FERMT2: variants seen among roughly 807,000 people sequenced by gnomAD.
The protein encoded by FERMT2 is fermitin family homolog 2.
A neutral mutation model predicts 82.7 loss-of-function variants in FERMT2; 15 were observed. That is an observed-to-expected ratio of 0.18 (90% confidence interval 0.12 to 0.28). FERMT2 has a LOEUF of 0.28. FERMT2 is among the 10% of genes least tolerant of loss of function. The probability of loss-of-function intolerance (pLI) is 1.00; values close to 1 mark genes in which losing one functional copy is unlikely to be tolerated. For synonymous variants in FERMT2, 274 were observed against 271.5 expected, an observed-to-expected ratio of 1.01 and a Z score of -0.09; for missense variants, 645 against 809.4, an observed-to-expected ratio of 0.80 and a Z score of 2.46.
At chr14:52,861,374 T>C (rs948202992) in intron 12 of FERMT2, 4 of 264,284 alleles carry the variant, frequency 1.5e-5, no homozygotes, top group Non-Finnish European at 2.8e-5. Context: ...GTGTACCCAG[T>C]TACATCGTGT....
At chr14:52,901,955 G>A (rs770615612) in intron 3 of FERMT2, among the ~76,000 whole-genome samples, 59 of 152,140 alleles carry the variant, frequency 3.9e-4, no homozygotes, top group Non-Finnish European at 7.2e-4. Flanking sequence ...CCTTCTAACA[G>A]GAAAGACAGA....
At chr14:52,950,312 C>T (rs1011073494) in intron 2 of FERMT2, 100 bp downstream of exon 2, 14 of 1,245,156 alleles carry the variant, frequency 1.1e-5, no homozygotes, top group Non-Finnish European at 1.5e-5. Context: ...TGCGAGATGC[C>T]AAGATTTCTC....
chr14:52,865,093 C>T (rs111863061), intron 10 of FERMT2, among the ~76,000 whole-genome samples: 93 of 152,220 alleles, frequency 6.1e-4, no homozygotes, highest in African/African-American at 2.2e-3. Flanking sequence ...GAGGCCGAGG[C>T]GGGCGGATCA....
chr14:52,911,897 T>C (rs1397201609), intron 3 of FERMT2, among the ~76,000 whole-genome samples: 1 of 152,188 alleles, frequency 6.6e-6, no homozygotes, highest in Non-Finnish European at 1.5e-5. Flanking sequence ...CAAACCTCAA[T>C]TGTGTAACTG....
At chr14:52,897,411 TTTGA>T (rs1887349380) in intron 3 of FERMT2, among the ~76,000 whole-genome samples, 1 of 152,184 alleles carries the variant, frequency 6.6e-6, no homozygotes, top group Non-Finnish European at 1.5e-5. Flanking sequence ...GTTTTATGTC[TTTGA>T]TTAGTAGTAA....
chr14:52,925,941 G>C (rs1283324435), intron 2 of FERMT2, among the ~76,000 whole-genome samples: 1 of 152,148 alleles, frequency 6.6e-6, no homozygotes, highest in African/African-American at 2.4e-5. Context: ...ACCGCGCCCG[G>C]CACAGATGCG....
intron 3 of FERMT2, among the ~76,000 whole-genome samples, chr14:52,908,035 G>A (rs967150941): frequency 1.3e-5 from 2 of 152,172 alleles, no homozygotes; most frequent in Admixed American, 6.5e-5. Context: ...ACGGACAGGC[G>A]AAGGACTCAA....
chr14:52,875,315 A>G lies in FERMT2; in HGVS notation c.1006T>C (p.Leu336=), dbSNP rs1387966357. 7 of 1,610,876 alleles carry G rather than the reference A, an allele frequency of 4.3e-6. No homozygotes were observed. The Admixed American group carries it at 1.2e-4, about 27-fold the overall frequency. Reference sequence around the variant, plus strand: ...TCAACTTCTTTGTCACTGTTGTTCAAATGATTCTCTGATGTCATGATTGAC... The same window carrying G: ...TCAACTTCTTTGTCACTGTTGTTCAGATGATTCTCTGATGTCATGATTGAC... ...KLSIMTSENH[L]NNSDKEVDEV... The change falls in exon 8 of 15, where the codon TTG becomes CTG. Residue 336 remains leucine, a synonymous_variant. Coordinates refer to ENST00000341590, the MANE Select transcript of FERMT2 (RefSeq NM_006832.3).
Position 52,893,357 on chromosome 14 carries a change from C to T in FERMT2, c.462G>A (p.Lys154=), listed in dbSNP as rs776619821. 6 of 1,612,720 alleles carry T rather than the reference C, an allele frequency of 3.7e-6. No homozygotes were observed. The highest frequency in any genetic ancestry group is 4.5e-5 in the East Asian group (2 of 44,852). The change falls in exon 4 of 15, where the codon AAG becomes AAA. Residue 154 remains lysine, a synonymous_variant. Coordinates refer to ENST00000341590, the MANE Select transcript of FERMT2 (RefSeq NM_006832.3). ...PRDPTKKKKK[K]LDDQSEDEAL... ...CCTCATCTTCAGACTGGTCATCTAG[C>T]TTCTTCTTTTTTTTCTTTGTTGGAT...
chr14:52,890,608 C>CT (rs78933730), intron 4 of FERMT2, among the ~76,000 whole-genome samples: 108,183 of 140,456 alleles, frequency 0.77, 43,814 homozygotes, highest in Non-Finnish European at 0.89. Flanking sequence ...CTTTTATCCT[C>CT]TTTTTTTTTT....
intron 4 of FERMT2, among the ~76,000 whole-genome samples, chr14:52,883,980 T>G (rs563464600): frequency 5.3e-5 from 8 of 152,322 alleles, no homozygotes; most frequent in African/African-American, 1.9e-4. Context: ...TGCAGAACTG[T>G]GAGCCAATTA....
At chr14:52,878,443 C>G in intron 7 of FERMT2, 139 bp downstream of exon 7, 2 of 607,106 alleles carry the variant, frequency 3.3e-6, no homozygotes, top group South Asian at 2.2e-5. Flanking sequence ...TTTTGCTTTC[C>G]TAAGTGTCTA....
At chr14:52,858,892 A>T (rs372335062) in intron 14 of FERMT2, 22 of 192,354 alleles carry the variant, frequency 1.1e-4, no homozygotes, top group East Asian at 1.1e-3. Flanking sequence ...CTGTGTTTTA[A>T]CGTTCGCTTC....
At chr14:52,886,153 C>A (rs1180351152) in intron 4 of FERMT2, among the ~76,000 whole-genome samples, 1 of 152,002 alleles carries the variant, frequency 6.6e-6, no homozygotes, top group Non-Finnish European at 1.5e-5. Flanking sequence ...AACCGAGATA[C>A]TACTTATTGT....
intron 12 of FERMT2, among the ~76,000 whole-genome samples, chr14:52,864,003 T>A (rs1291796479): frequency 9.1e-6 from 1 of 110,310 alleles, no homozygotes; most frequent in Non-Finnish European, 2.3e-5. Flanking sequence ...ATGATAAAGA[T>A]TTTTTTTTTT....
intron 3 of FERMT2, among the ~76,000 whole-genome samples, chr14:52,896,408 GC>G (rs1207994702): frequency 3.9e-5 from 6 of 152,202 alleles, no homozygotes; most frequent in South Asian, 2.1e-4. Flanking sequence ...AATTCAGAAA[GC>G]TTTTTGTTTG....
chr14:52,934,153 T>C (rs1052243832), intron 2 of FERMT2, among the ~76,000 whole-genome samples: 70 of 152,312 alleles, frequency 4.6e-4, no homozygotes, highest in African/African-American at 1.6e-3. Context: ...CTACTACTTG[T>C]AATATACAAA....
chr14:52,868,200 CA>C (rs1403223537), intron 10 of FERMT2, among the ~76,000 whole-genome samples: 2 of 144,744 alleles, frequency 1.4e-5, no homozygotes, highest in Non-Finnish European at 3.0e-5. Flanking sequence ...TCCAGCAGCA[CA>C]AAACTCTCTA....
Position 52,864,811 on chromosome 14 carries a change from A to T in FERMT2, c.1316T>A (p.Phe439Tyr), listed in dbSNP as rs1191210470. The change falls in exon 11 of 15, where the codon TTT becomes TAT. Residue 439 changes from phenylalanine to tyrosine, a missense_variant. Transcript: ENST00000341590. ...AACTGGAATCAGGAGTTTAATGTTA[A>T]ATTTTTGGCCTGAAATGTTTACATC... is the stretch of plus-strand genomic sequence containing the variant. The part of the protein sequence containing the change: ...TPDVNISGQK[F>Y]NIKLLIPVAE... 1 of 1,612,060 alleles carries T rather than the reference A, an allele frequency of 6.2e-7. No homozygotes were observed. Among genetic ancestry groups the T allele is most frequent in the Non-Finnish European group, 8.5e-7 (1 of 1,178,272 alleles).
Sources: gnomAD v4.1 joint callset for allele counts (sites outside exome capture counted in the v4.1 genomes callset) on GRCh38, gnomAD v4.1.1 for gene constraint, MANE v1.5 for transcripts, NCBI Gene and HGNC (gene_info 2026-07-23, HGNC 2026-07-21) for gene names.